The following GCM1 variants were observed in gnomAD, a reference collection of about 807,000 sequenced individuals.
GCM1 encodes GCM transcription factor 1.
Under a neutral mutation model 25.7 loss-of-function variants are expected in GCM1, and 2 were observed. The ratio of observed to expected loss-of-function variants is 0.08; its 90% CI spans 0.03 to 0.24. The LOEUF is 0.24. GCM1 is among the 10% of genes least tolerant of loss of function. The pLI is 1.00. For synonymous variants in GCM1, 183 were observed against 195.7 expected (o/e 0.94, Z 0.54); for missense variants, 395 against 538.7 (o/e 0.73, Z 2.64).
At chr6:53,137,518 C>T (rs2816342) in intron 2 of GCM1, among the ~76,000 whole-genome samples, 111,286 of 152,100 alleles carry the variant, frequency 0.73, 40,803 homozygotes, top group Admixed American at 0.77. Flanking sequence ...CCAGGAATAG[C>T]GGCTCACACC....
intron 2 of GCM1, among the ~76,000 whole-genome samples, chr6:53,144,373 T>A (rs1267917952): frequency 6.8e-6 from 1 of 146,298 alleles, no homozygotes; most frequent in African/African-American, 2.6e-5. Context: ...TGCAGTGAGC[T>A]ATGATGGTAT....
In GCM1 at chr6:53,127,251, A is replaced by G. The variant is rs1763653363; in HGVS notation, c.*955T>C. The G allele has an allele frequency of 6.6e-6, 1 of 152,256 alleles. No individual in the cohort carries two copies. The highest frequency in any genetic ancestry group is 1.5e-5 in the Non-Finnish European group (1 of 68,058). The allele number at this position is 152,256 out of a possible 1,614,324, so 9.4% of individuals were successfully genotyped here. On this transcript the variant is annotated 3_prime_UTR_variant, in exon 6 of 6. Coordinates refer to ENST00000259803, the MANE Select transcript of GCM1 (RefSeq NM_003643.4). ...GAAACAAGAGGCAAGGAGACCACGCACATCACTAGTGTTTCTCTTCATATG... is the reference window on the plus strand; with the variant it reads ...GAAACAAGAGGCAAGGAGACCACGCGCATCACTAGTGTTTCTCTTCATATG...
chr6:53,145,120 A>C (rs1016475203), intron 2 of GCM1, among the ~76,000 whole-genome samples: 1 of 152,208 alleles, frequency 6.6e-6, no homozygotes, highest in Non-Finnish European at 1.5e-5. Flanking sequence ...CCACAAGAGA[A>C]CAATATCATC....
chr6:53,128,334 A>C lies in GCM1; in HGVS notation c.1183T>G (p.Ser395Ala). 6.2e-7 allele frequency: 1 copy of C among 1,614,050 alleles called. No homozygotes were observed. Among genetic ancestry groups the C allele is most frequent in the Non-Finnish European group, 8.5e-7 (1 of 1,179,962 alleles). The change falls in exon 6 of 6, where the codon TCT becomes GCT. Residue 395 changes from serine (S) to alanine (A), a missense_variant. Around this residue, in one of 5 missense-constraint regions of GCM1, gnomAD observed 291 missense variants for 314.6 expected, o/e 0.92. Transcript: ENST00000259803. ...AGTGAATATTGCTGATGAGGATGAGAGGCGTAGGTGAAGAGAAAGGGGTCT... is the reference window on the plus strand; with the variant it reads ...AGTGAATATTGCTGATGAGGATGAGCGGCGTAGGTGAAGAGAAAGGGGTCT... ...QEDPFLFTYASHPHQQYSLPS... is the reference protein window; with the variant it reads ...QEDPFLFTYAAHPHQQYSLPS...
In GCM1 at chr6:53,128,894, A is replaced by G; in HGVS notation, c.623T>C (p.Phe208Ser). ...SQGSLPLTWS[F>S]QEGVQLPGSY... ...ACCAGGCAATTGGACGCCTTCCTGG[A>G]AAGACCAAGTTAAAGGTAAACTCCC... Residue 208 changes from phenylalanine (F) to serine (S), a missense_variant, in exon 6 of 6, where the codon TTC (phenylalanine) becomes TCC (serine). Coordinates refer to ENST00000259803, the MANE Select transcript of GCM1 (RefSeq NM_003643.4). 6.2e-7 allele frequency: 1 copy of G among 1,613,078 alleles called. No individual in the cohort carries two copies.
chr6:53,141,533 A>C (rs1446481962), intron 2 of GCM1, among the ~76,000 whole-genome samples: 2 of 151,956 alleles, frequency 1.3e-5, no homozygotes, highest in Non-Finnish European at 2.9e-5. Context: ...TAAAAATACA[A>C]AAAATTAGCC....
intron 2 of GCM1, among the ~76,000 whole-genome samples, chr6:53,136,773 G>A (rs962900406): frequency 2.0e-5 from 3 of 151,912 alleles, no homozygotes; most frequent in African/African-American, 7.3e-5. Context: ...TCAGGAGTTC[G>A]AGACCAGCCT....
At chr6:53,148,205 C>A (rs1213879169) in intron 1 of GCM1, among the ~76,000 whole-genome samples, 1 of 152,196 alleles carries the variant, frequency 6.6e-6, no homozygotes, top group African/African-American at 2.4e-5. Context: ...TACCAAGCAG[C>A]AGTTCCGTGT....
chr6:53,142,870 C>CAAAAAAA lies in GCM1; in HGVS notation c.75+2681_75+2687dup, dbSNP rs60718730. 1.8e-3 allele frequency among the ~76,000 whole-genome samples: 68 copies of CAAAAAAA among 37,530 alleles called. 4 individuals carry two copies. The highest frequency in any genetic ancestry group is 2.0e-3 in the African/African-American group (28 of 14,006). The allele number at this position is 37,530 out of a possible 152,430, so 24.6% of individuals were successfully genotyped here. A position where few individuals can be genotyped will look rare whatever the true frequency, so the allele number is the denominator to read the frequency against. ...AAAAGGTAAACAACTCAAGGATCTC[C>CAAAAAAA]AAAAAAAAAAAAAAAAAAAAAAAAA... On this transcript the variant is annotated intron_variant, in intron 2 of 5. Coordinates refer to ENST00000259803, the MANE Select transcript of GCM1 (RefSeq NM_003643.4).
In GCM1 at chr6:53,146,860, G is replaced by A. The variant is rs150202437; in HGVS notation, c.-136-1092C>T. Among the ~76,000 whole-genome samples the A allele has an allele frequency of 2.3e-3, 347 of 152,100 alleles. 4 individuals are homozygous for A. The highest frequency in any genetic ancestry group is 8.1e-3 in the African/African-American group (336 of 41,504). ...CCAGCCTGAGAAACATGCAGAAACCGTGTTTATACAAGAAGTACAAATCAC... is the reference window on the plus strand; with the variant it reads ...CCAGCCTGAGAAACATGCAGAAACCATGTTTATACAAGAAGTACAAATCAC... On this transcript the variant is annotated intron_variant, in intron 1 of 5. Transcript: ENST00000259803.
At position 53,130,938 on chromosome 6, in the gene GCM1, T is replaced by C; in HGVS notation, c.442-7A>G. On this transcript the variant is annotated splice_polypyrimidine_tract_variant and splice_region_variant and intron_variant, in intron 4 of 5. Transcript: ENST00000259803. ...GATCATGCTCTCCCTTTGACTTAAA[T>C]GAGACAAGGAAGTAGAAAGGAAATG... 1.2e-6 allele frequency: 2 copies of C among 1,611,702 alleles called. No individual in the cohort carries two copies. Among genetic ancestry groups the C allele is most frequent in the Non-Finnish European group, 1.7e-6 (2 of 1,177,840 alleles).
rs181075200 is a variant in GCM1 at position 53,141,928 on chromosome 6, C to T, written c.75+3630G>A. ...CTGGGTTGAGAGAATCACCTAAGCCCGGGAATTCAAGGCTGTGGTGAGCTA... is the reference window on the plus strand; with the variant it reads ...CTGGGTTGAGAGAATCACCTAAGCCTGGGAATTCAAGGCTGTGGTGAGCTA... On this transcript the variant is annotated intron_variant, in intron 2 of 5. Coordinates refer to ENST00000259803, the MANE Select transcript of GCM1 (RefSeq NM_003643.4). 5.3e-5 allele frequency among the ~76,000 whole-genome samples: 7 copies of T among 132,254 alleles called. No homozygotes were observed. The East Asian group carries it at 1.7e-3, about 32-fold the overall frequency. 86.8% of individuals were successfully genotyped at this position (132,254 alleles called of 152,430 possible).
chr6:53,132,240 T>A (rs1260236570), intron 3 of GCM1, 121 bp from the exon 4 acceptor site: 2 of 686,506 alleles, frequency 2.9e-6, no homozygotes, highest in Non-Finnish European at 5.2e-6. Context: ...CTGGGCAGAG[T>A]TTCATGGGCT....
intron 1 of GCM1, 49 bp downstream of exon 1, chr6:53,148,705 T>C (rs1764000828): frequency 6.6e-6 from 1 of 152,228 alleles, no homozygotes; most frequent in South Asian, 2.1e-4. Context: ...GAGTGGTCGT[T>C]GCCACATCCC....
chr6:53,136,986 A>AG (rs141392214), intron 2 of GCM1, among the ~76,000 whole-genome samples: 12,866 of 152,152 alleles, frequency 0.085, 879 homozygotes, highest in African/African-American at 0.19. Flanking sequence ...CAATAAAAAA[A>AG]AAAAGAAAAA....
Position 53,128,091 on chromosome 6 carries a change from C to T in GCM1, c.*115G>A. On this transcript the variant is annotated 3_prime_UTR_variant, in exon 6 of 6. Coordinates refer to ENST00000259803, the MANE Select transcript of GCM1 (RefSeq NM_003643.4). ...AAAAAGAAAAAAGCCTTGTCTACTG[C>T]TTATCATGATTCTCATTTATCTGTG... is the stretch of plus-strand genomic sequence containing the variant. The T allele has an allele frequency of 2.0e-6, 1 of 500,132 alleles. No individual in the cohort carries two copies. The highest frequency in any genetic ancestry group is 4.2e-5 in the East Asian group (1 of 24,020). The allele number at this position is 500,132 out of a possible 1,614,324, so 31.0% of individuals were successfully genotyped here.
intron 1 of GCM1, among the ~76,000 whole-genome samples, chr6:53,147,782 T>G (rs1763984450): frequency 2.0e-5 from 3 of 152,168 alleles, no homozygotes; most frequent in African/African-American, 7.2e-5. Context: ...ATCACTGAAC[T>G]CTACCAAGGG....
At position 53,134,150 on chromosome 6, in the gene GCM1, G is replaced by T; in HGVS notation, c.250C>A (p.Arg84Ser). The T allele has an allele frequency of 1.2e-6, 2 of 1,614,054 alleles. No individual in the cohort carries two copies. Among genetic ancestry groups the T allele is most frequent in the Non-Finnish European group, 1.7e-6 (2 of 1,179,994 alleles). The change falls in exon 3 of 6, where the codon CGC (arginine) becomes AGC (serine). Residue 84 changes from arginine to serine, a missense_variant. Physicochemically the swap from Arg to Ser is moderately radical, Grantham distance 110. This residue lies in a region of GCM1 where 21 missense variants were observed against 22.9 expected (regional missense o/e 0.92). Transcript: ENST00000259803. ...KSCLGVVVCGRDCLAEEGRKI... is the reference protein window; with the variant it reads ...KSCLGVVVCGSDCLAEEGRKI... ...CGCCCCTCCTCTGCGAGACAGTCGC[G>T]GCCGCACACCACCACACCCAGGCAG...
At chr6:53,146,212 ATATATTTT>A (rs1285840431) in intron 1 of GCM1, among the ~76,000 whole-genome samples, 2 of 57,886 alleles carry the variant, frequency 3.5e-5, no homozygotes, top group Admixed American at 1.9e-4. Context: ...ATATATATAT[ATATATTTT>A]TTTTTTTTTT....
Sources: allele counts gnomAD v4.1 joint callset (sites outside exome capture counted in the v4.1 genomes callset), GRCh38; gene constraint gnomAD v4.1.1; regional missense constraint gnomAD v4.1.1; transcripts MANE v1.5; gene names NCBI Gene and HGNC (gene_info 2026-07-23, HGNC 2026-07-21).